UBE4B: variants seen among roughly 807,000 people sequenced by gnomAD.
UBE4B encodes the protein ubiquitination factor E4B.
A neutral mutation model predicts 148.1 loss-of-function variants in UBE4B; 27 were observed. The ratio of observed to expected loss-of-function variants is 0.18; its 90% confidence interval spans 0.13 to 0.25. The LOEUF is 0.25. UBE4B is among the 10% of genes least tolerant of loss of function. The probability of loss-of-function intolerance (pLI) is 1.00; values close to 1 mark genes in which losing one functional copy is unlikely to be tolerated. For synonymous variants in UBE4B, 596 were observed against 619.3 expected (o/e 0.96, Z 0.56); for missense variants, 1,170 against 1,662.4 (o/e 0.70, Z 5.15).
At chr1:10,166,880 G>A (rs535095430) in intron 23 of UBE4B, among the ~76,000 whole-genome samples, 122 of 151,674 alleles carry the variant, frequency 8.0e-4, no homozygotes, top group African/African-American at 2.6e-3. Context: ...AGCCAAGATC[G>A]CGCCACTGCA....
At chr1:10,064,264 C>T (rs1015925039) in intron 1 of UBE4B, among the ~76,000 whole-genome samples, 13 of 152,128 alleles carry the variant, frequency 8.5e-5, no homozygotes, top group African/African-American at 3.1e-4. Context: ...CAAAATTGCT[C>T]TCTGGGATGA....
chr1:10,178,393 G>C (rs1646458549), intron 25 of UBE4B, among the ~76,000 whole-genome samples: 1 of 152,006 alleles, frequency 6.6e-6, no homozygotes, highest in Non-Finnish European at 1.5e-5. Context: ...CTCTCCAGAG[G>C]GAGTGACCTC....
chr1:10,036,666 A>C (rs1643548828), intron 1 of UBE4B, among the ~76,000 whole-genome samples: 1 of 152,070 alleles, frequency 6.6e-6, no homozygotes, highest in Non-Finnish European at 1.5e-5. Context: ...TTCAATTAAA[A>C]ATTTTTGAGG....
intron 1 of UBE4B, among the ~76,000 whole-genome samples, chr1:10,043,547 C>T (rs1304364316): frequency 1.3e-5 from 2 of 151,326 alleles, no homozygotes; most frequent in Non-Finnish European, 2.9e-5. Context: ...CTGCCTCAGC[C>T]TCCCAAGTAG....
intron 9 of UBE4B, among the ~76,000 whole-genome samples, chr1:10,121,016 T>G (rs1645400989): frequency 6.6e-6 from 1 of 152,168 alleles, no homozygotes; most frequent in African/African-American, 2.4e-5. Flanking sequence ...TTAAAATTAA[T>G]AAGCCCTCAG....
chr1:10,033,628 G>A lies in UBE4B; in HGVS notation c.-43G>A. The A allele has an allele frequency of 6.6e-7, 1 of 1,513,918 alleles. No individual in the cohort carries two copies. Among genetic ancestry groups the A allele is most frequent in the Non-Finnish European group, 8.9e-7 (1 of 1,129,180 alleles). The allele number at this position is 1,513,918 out of a possible 1,614,324, so 93.8% of individuals were successfully genotyped here. On this transcript the variant is annotated 5_prime_UTR_variant, in exon 1 of 28. Coordinates refer to ENST00000343090, the MANE Select transcript of UBE4B (RefSeq NM_001105562.3). ...TCCTCCCGCCGTGGTCTCGAGAACA[G>A]AAGGATCTCTCCTTAACGCCTTTCA...
intron 11 of UBE4B, 128 bp from the exon 12 acceptor site, chr1:10,129,262 CAG>C (rs1645551936): frequency 3.2e-6 from 2 of 624,352 alleles, no homozygotes; most frequent in Non-Finnish European, 5.5e-6. Context: ...GCTGCCATTT[CAG>C]AGGGAATGCA....
intron 2 of UBE4B, among the ~76,000 whole-genome samples, chr1:10,090,889 A>G (rs1644837451): frequency 6.6e-6 from 1 of 151,514 alleles, no homozygotes; most frequent in Non-Finnish European, 1.5e-5. Flanking sequence ...TCTAGTTTGT[A>G]CTTGAAAGGG....
intron 2 of UBE4B, among the ~76,000 whole-genome samples, chr1:10,088,913 A>C (rs1421453821): frequency 6.6e-6 from 1 of 152,106 alleles, no homozygotes; most frequent in Non-Finnish European, 1.5e-5. Context: ...TCCTGGGCTC[A>C]AGCGATCCTC....
At chr1:10,146,302 A>T (rs2004601) in intron 18 of UBE4B, among the ~76,000 whole-genome samples, 4,196 of 152,124 alleles carry the variant, frequency 0.028, 190 homozygotes, top group African/African-American at 0.096. Flanking sequence ...AAATACAAAA[A>T]TTAACTGGGT....
intron 10 of UBE4B, among the ~76,000 whole-genome samples, chr1:10,123,642 G>T (rs906758042): frequency 1.3e-5 from 2 of 152,052 alleles, no homozygotes; most frequent in South Asian, 2.1e-4. Context: ...TTACACAAGA[G>T]GTTATGAAAT....
At chr1:10,095,423 T>G (rs1644914996) in intron 2 of UBE4B, 38 bp from the exon 3 acceptor site, 1 of 1,609,058 alleles carries the variant, frequency 6.2e-7, no homozygotes, top group South Asian at 1.1e-5. Context: ...GAACATTATT[T>G]CACATGGGGC....
intron 17 of UBE4B, among the ~76,000 whole-genome samples, chr1:10,139,346 G>A (rs1054779444): frequency 2.0e-5 from 3 of 151,894 alleles, no homozygotes; most frequent in South Asian, 2.1e-4. Context: ...AGCCAAGACC[G>A]AGCCACTGTA....
chr1:10,119,123 C>T (rs938971876), intron 8 of UBE4B, among the ~76,000 whole-genome samples: 1 of 151,112 alleles, frequency 6.6e-6, no homozygotes. Flanking sequence ...CCTTGTGATC[C>T]GCCCTTCTTG....
chr1:10,126,456 A>G (rs1235217194), intron 10 of UBE4B, among the ~76,000 whole-genome samples: 4 of 152,232 alleles, frequency 2.6e-5, no homozygotes, highest in Non-Finnish European at 5.9e-5. Context: ...AATTTAATTG[A>G]GTAGAGCAAC....
In UBE4B at chr1:10,076,815, C is replaced by T. The variant is rs576818419; in HGVS notation, c.211+4601C>T. Among the ~76,000 whole-genome samples, 4 of 142,154 alleles carry T rather than the reference C, an allele frequency of 2.8e-5. No homozygotes were observed. The Admixed American group carries it at 3.0e-4, about 11-fold the overall frequency. The allele number at this position is 142,154 out of a possible 152,430, so 93.3% of individuals were successfully genotyped here. A position where few individuals can be genotyped will look rare whatever the true frequency, so the allele number is the denominator to read the frequency against. On this transcript the variant is annotated intron_variant, in intron 2 of 27. Coordinates refer to ENST00000343090, the MANE Select transcript of UBE4B (RefSeq NM_001105562.3). ...AGGCTGGAGTGCAATGGCATGATCT[C>T]GACTCTCTGTAACCTCCACCTTCTG...
At chr1:10,179,702 C>T (rs1646478031) in intron 27 of UBE4B, 140 bp downstream of exon 27, 1 of 1,431,998 alleles carries the variant, frequency 7.0e-7, no homozygotes, top group Non-Finnish European at 9.4e-7. Flanking sequence ...GTAGCAAAGA[C>T]CCAAAACACT....
At chr1:10,142,044 A>ATTTT (rs113950298) in intron 17 of UBE4B, among the ~76,000 whole-genome samples, 1 of 148,388 alleles carries the variant, frequency 6.7e-6, no homozygotes, top group Non-Finnish European at 1.5e-5. Context: ...GAAGCCTGTC[A>ATTTT]TTTTTTTTTT....
chr1:10,105,691 A>G lies in UBE4B; in HGVS notation c.756A>G (p.Gly252=). ...NLLLNTGSNP[G]TSPMFCSVAS... is the part of the protein sequence containing the mutation. ...TGCTAAACACTGGCTCCAATCCAGGAACAAGCCCCATGTTCTGCAGCGTGG... is the reference window on the plus strand; with the variant it reads ...TGCTAAACACTGGCTCCAATCCAGGGACAAGCCCCATGTTCTGCAGCGTGG... The change falls in exon 6 of 28, where the codon GGA becomes GGG. Residue 252 remains glycine, a synonymous_variant. Coordinates refer to ENST00000343090, the MANE Select transcript of UBE4B (RefSeq NM_001105562.3). 1 of 1,614,208 alleles carries G rather than the reference A, an allele frequency of 6.2e-7. No individual in the cohort carries two copies. The highest frequency in any genetic ancestry group is 8.5e-7 in the Non-Finnish European group (1 of 1,180,038).
Sources: allele counts gnomAD v4.1 joint callset (sites outside exome capture counted in the v4.1 genomes callset), GRCh38; gene constraint gnomAD v4.1.1; transcripts MANE v1.5; gene names NCBI Gene and HGNC (gene_info 2026-07-23, HGNC 2026-07-21).